PDZD8: variants seen among roughly 807,000 people sequenced by gnomAD.
PDZD8 encodes PDZ domain-containing protein 8.
PDZD8 carries 14 observed loss-of-function variants against 85.8 expected under a neutral mutation model. The observed-to-expected ratio is 0.16, with a 90% confidence interval of 0.11 to 0.26. PDZD8 has a LOEUF of 0.26. Ranked by LOEUF, PDZD8 falls within the 10% of genes least tolerant of loss-of-function variation. The pLI, the probability that PDZD8 is intolerant of heterozygous loss-of-function variation, is 1.00. For missense variants in PDZD8, 1,197 were observed against 1,424.3 expected (o/e 0.84, Z 2.57); for synonymous variants, 592 against 568.6 (o/e 1.04, Z -0.59).
chr10:117,307,202 T>G (rs1249856265), intron 3 of PDZD8, among the ~76,000 whole-genome samples: 2 of 151,894 alleles, frequency 1.3e-5, no homozygotes, highest in East Asian at 3.9e-4. Flanking sequence ...CTCTGGGTAG[T>G]GGAATTATGG....
Position 117,362,767 on chromosome 10 carries a change from T to C in PDZD8, c.872+11589A>G, listed in dbSNP as rs560594288. On this transcript the variant is annotated intron_variant, in intron 1 of 4. Coordinates refer to ENST00000334464, the MANE Select transcript of PDZD8 (RefSeq NM_173791.5). ...ATTTAGATACACTGTATTCACTGAC[T>C]TTATTTTACAGACTGTCAAGAATTT... is the stretch of plus-strand genomic sequence containing the variant. Among the ~76,000 whole-genome samples, 5 of 152,262 alleles carry C rather than the reference T, an allele frequency of 3.3e-5. No homozygotes were observed. In the East Asian group the frequency reaches 9.6e-4, roughly 29 times the overall value.
chr10:117,332,837 G>A (rs186604758), intron 2 of PDZD8, among the ~76,000 whole-genome samples: 1 of 150,214 alleles, frequency 6.7e-6, no homozygotes, highest in Non-Finnish European at 1.5e-5. Context: ...AAGGATATGG[G>A]CCAGGCGTGG....
chr10:117,342,260 T>C (rs542227227), intron 1 of PDZD8, among the ~76,000 whole-genome samples: 28 of 152,280 alleles, frequency 1.8e-4, no homozygotes, highest in Middle Eastern at 3.4e-3. Flanking sequence ...CCATTAAAGC[T>C]AAAGAAAAAG....
At chr10:117,303,394 A>T (rs1843880432) in intron 3 of PDZD8, among the ~76,000 whole-genome samples, 1 of 152,250 alleles carries the variant, frequency 6.6e-6, no homozygotes, top group South Asian at 2.1e-4. Flanking sequence ...AGCATTCAAC[A>T]GGTGACTTGG....
intron 1 of PDZD8, among the ~76,000 whole-genome samples, chr10:117,355,072 T>C (rs1167605818): frequency 2.0e-5 from 3 of 152,216 alleles, no homozygotes; most frequent in African/African-American, 4.8e-5. Flanking sequence ...TGGTAAATTA[T>C]GAATCTAAAT....
intron 1 of PDZD8, among the ~76,000 whole-genome samples, chr10:117,350,784 G>A (rs1310913097): frequency 2.0e-5 from 3 of 151,036 alleles, no homozygotes; most frequent in African/African-American, 7.3e-5. Context: ...GGTGCCTGGA[G>A]TCCCTGCTAC....
intron 2 of PDZD8, among the ~76,000 whole-genome samples, chr10:117,339,128 C>CAAAAAAAAAAAAAAAAAAAAAAAAAAA (rs71013660): frequency 7.7e-6 from 1 of 129,408 alleles, no homozygotes; most frequent in African/African-American, 3.0e-5. Context: ...TGGACTTAAC[C>CAAAAAAAAAAAAAAAAAAAAAAAAAAA]AAAAAAAAAA....
Position 117,317,220 on chromosome 10 carries a change from G to A in PDZD8, c.1098+1652C>T, listed in dbSNP as rs1844144585. ...TAAATACTGTTTAAATCTAGAGATT[G>A]TATTTATACAAAGATAGCATCCTAA... On this transcript the variant is annotated intron_variant, in intron 3 of 4. Transcript: ENST00000334464. 2.0e-5 allele frequency among the ~76,000 whole-genome samples: 3 copies of A among 152,194 alleles called. No homozygotes were observed. The South Asian group carries it at 6.2e-4, about 32-fold the overall frequency.
At chr10:117,315,838 C>T (rs1478598388) in intron 3 of PDZD8, among the ~76,000 whole-genome samples, 4 of 152,076 alleles carry the variant, frequency 2.6e-5, no homozygotes, top group South Asian at 4.1e-4. Flanking sequence ...AAGCACTATA[C>T]ATTCCACAGA....
intron 2 of PDZD8, among the ~76,000 whole-genome samples, chr10:117,320,044 A>G (rs774322428): frequency 2.0e-5 from 3 of 152,058 alleles, no homozygotes; most frequent in Non-Finnish European, 4.4e-5. Flanking sequence ...GTCTGAATAA[A>G]CTCATGGTGA....
intron 2 of PDZD8, among the ~76,000 whole-genome samples, chr10:117,325,087 T>C (rs1339320827): frequency 2.6e-5 from 4 of 152,144 alleles, no homozygotes; most frequent in Non-Finnish European, 5.9e-5. Flanking sequence ...CTTCAAGGAA[T>C]TAAAGTTGAC....
At chr10:117,372,742 G>T (rs1220747543) in intron 1 of PDZD8, among the ~76,000 whole-genome samples, 1 of 152,114 alleles carries the variant, frequency 6.6e-6, no homozygotes, top group Non-Finnish European at 1.5e-5. Flanking sequence ...ACCACCCTCC[G>T]CAAATCTATG....
intron 2 of PDZD8, among the ~76,000 whole-genome samples, chr10:117,332,296 A>C (rs565343490): frequency 9.2e-5 from 14 of 152,262 alleles, no homozygotes; most frequent in African/African-American, 3.4e-4. Flanking sequence ...CAAGAAAAAA[A>C]CAAAAAACAA....
intron 3 of PDZD8, among the ~76,000 whole-genome samples, chr10:117,315,596 A>AC (rs1192010285): frequency 2.8e-5 from 4 of 143,150 alleles, no homozygotes; most frequent in Admixed American, 7.0e-5. Flanking sequence ...TCAAAAAAAA[A>AC]AAAAAAAAAA....
chr10:117,366,904 C>A (rs973113164), intron 1 of PDZD8, among the ~76,000 whole-genome samples: 1 of 152,224 alleles, frequency 6.6e-6, no homozygotes, highest in East Asian at 1.9e-4. Flanking sequence ...GAAATGCCCA[C>A]ACAGTGCCTA....
chr10:117,356,196 T>C (rs1844892196), intron 1 of PDZD8, among the ~76,000 whole-genome samples: 1 of 152,108 alleles, frequency 6.6e-6, no homozygotes, highest in South Asian at 2.1e-4. Context: ...ACAGATTCTA[T>C]TTTTAGAGAC....
intron 3 of PDZD8, among the ~76,000 whole-genome samples, chr10:117,316,429 T>C (rs1318347009): frequency 6.6e-6 from 1 of 152,210 alleles, no homozygotes; most frequent in East Asian, 1.9e-4. Context: ...TCCCAGCACT[T>C]TGGGAGGCTA....
intron 1 of PDZD8, among the ~76,000 whole-genome samples, chr10:117,366,592 T>C (rs1411715162): frequency 3.3e-5 from 5 of 150,554 alleles, no homozygotes; most frequent in East Asian, 2.0e-4. Context: ...TCACCACCAT[T>C]ACCACCACCA....
chr10:117,298,356 CTCTT>C (rs1397881599), intron 3 of PDZD8, among the ~76,000 whole-genome samples: 2 of 152,108 alleles, frequency 1.3e-5, no homozygotes, highest in African/African-American at 2.4e-5. Context: ...TGCTTTTAAA[CTCTT>C]TGTTTTTAGT....
Sources: gnomAD v4.1 joint callset for allele counts (sites outside exome capture counted in the v4.1 genomes callset) on GRCh38, gnomAD v4.1.1 for gene constraint, MANE v1.5 for transcripts, NCBI Gene and HGNC (gene_info 2026-07-23, HGNC 2026-07-21) for gene names.